SPART: variants seen among roughly 807,000 people sequenced by gnomAD.
SPART encodes spartin.
A neutral mutation model predicts 58.7 loss-of-function variants in SPART; 35 were observed. That is an observed-to-expected ratio of 0.60 (90% CI 0.46 to 0.79). SPART has a LOEUF of 0.79. Ranked by LOEUF, SPART falls within the 30% of genes least tolerant of loss-of-function variation. SPART has a pLI of 0.00. For synonymous variants in SPART, 284 were observed against 280.7 expected, an observed-to-expected ratio of 1.01 and a Z score of -0.12; for missense variants, 730 against 786.1, an observed-to-expected ratio of 0.93 and a Z score of 0.85.
At chr13:36,336,712 G>A (rs1449068640) in intron 1 of SPART, among the ~76,000 whole-genome samples, 2 of 152,266 alleles carry the variant, frequency 1.3e-5, no homozygotes, top group East Asian at 1.9e-4. Context: ...ATGGATGCAT[G>A]TGCATGCCAA....
chr13:36,318,443 CA>C (rs1881973170), intron 5 of SPART, among the ~76,000 whole-genome samples: 1 of 152,126 alleles, frequency 6.6e-6, no homozygotes, highest in Admixed American at 6.5e-5. Context: ...CCTAAAAGGT[CA>C]AAAGGCCGTC....
chr13:36,356,433 A>G (rs547969215), intron 1 of SPART, among the ~76,000 whole-genome samples: 2 of 152,218 alleles, frequency 1.3e-5, no homozygotes, highest in South Asian at 4.1e-4. Context: ...ATTCTCTCTG[A>G]AGTCTACCAC....
intron 8 of SPART, among the ~76,000 whole-genome samples, chr13:36,306,051 G>T (rs9575885): frequency 0.25 from 37,431 of 152,062 alleles, 4,977 homozygotes; most frequent in East Asian, 0.51. Flanking sequence ...TGCCCCTAAA[G>T]GATGATTCTA....
At position 36,326,673 on chromosome 13, in the gene SPART, A is replaced by G. The variant is rs1387360877; in HGVS notation, c.1190T>C (p.Val397Ala). Residue 397 changes from valine (V) to alanine (A), a missense_variant, in exon 5 of 9, where the codon GTT becomes GCT. Coordinates refer to ENST00000438666, the MANE Select transcript of SPART (RefSeq NM_015087.5). ...KRAKDTSSEE[V>A]NLSHIVPCEP... is the part of the protein sequence containing the mutation. ...ACATGGTACAATGTGACTCAGGTTA[A>G]CTTCTTCACTTGAAGTATCTTTAGC... is the stretch of plus-strand genomic sequence containing the variant. 1 of 1,613,226 alleles carries G rather than the reference A, an allele frequency of 6.2e-7. No individual in the cohort carries two copies. The highest frequency in any genetic ancestry group is 8.5e-7 in the Non-Finnish European group (1 of 1,179,824).
chr13:36,320,169 A>T (rs570842291), intron 5 of SPART, among the ~76,000 whole-genome samples: 4 of 152,102 alleles, frequency 2.6e-5, no homozygotes, highest in African/African-American at 9.7e-5. Context: ...TACAGTTCTC[A>T]TAACTTCCAA....
rs117340154 is a variant in SPART at position 36,343,559 on chromosome 13, G to T, written c.-3+2666C>A. 3.0e-4 allele frequency among the ~76,000 whole-genome samples: 46 copies of T among 152,268 alleles called. 1 individual carries two copies. The East Asian group carries it at 8.7e-3, about 29-fold the overall frequency. On this transcript the variant is annotated intron_variant, in intron 1 of 8. Transcript: ENST00000438666. ...AATGCTGTAAGTTAACCAAAAGTGT[G>T]CAAGAGGGACAGTTTTACAAAAATT...
intron 1 of SPART, among the ~76,000 whole-genome samples, chr13:36,353,582 G>A (rs554342309): frequency 2.0e-5 from 3 of 152,274 alleles, no homozygotes; most frequent in East Asian, 3.9e-4. Flanking sequence ...GGTGATTTTG[G>A]TTTGGTATAA....
chr13:36,338,920 T>G (rs530905858), intron 1 of SPART, among the ~76,000 whole-genome samples: 1 of 152,034 alleles, frequency 6.6e-6, no homozygotes, highest in East Asian at 1.9e-4. Flanking sequence ...AGTTGATAGG[T>G]TCCACCCATA....
At chr13:36,326,371 T>G in intron 5 of SPART, 1 of 597,792 alleles carries the variant, frequency 1.7e-6, no homozygotes, top group Non-Finnish European at 2.9e-6. Flanking sequence ...TAGAACAGAA[T>G]AATAGGCCAG....
At chr13:36,317,523 G>A (rs112694864) in intron 5 of SPART, among the ~76,000 whole-genome samples, 230 of 4,136 alleles carry the variant, frequency 0.056, 1 homozygote, top group East Asian at 0.44. Context: ...CCTTATTTCC[G>A]TGCCCCACCC....
At chr13:36,365,224 G>A (rs1207556144) in intron 1 of SPART, among the ~76,000 whole-genome samples, 1 of 152,136 alleles carries the variant, frequency 6.6e-6, no homozygotes, top group Non-Finnish European at 1.5e-5. Context: ...TAGCTTATAG[G>A]AGCAACAGAT....
At position 36,333,359 on chromosome 13, in the gene SPART, T is replaced by C. The variant is rs17053842; in HGVS notation, c.810+1662A>G. On this transcript the variant is annotated intron_variant, in intron 2 of 8. Transcript: ENST00000438666. ...AAACTTAATTTCCTATTTAGACCAATAGTGATTTTAACAGTGATTTTTAGC... is the reference window on the plus strand; with the variant it reads ...AAACTTAATTTCCTATTTAGACCAACAGTGATTTTAACAGTGATTTTTAGC... Among the ~76,000 whole-genome samples, 1,034 of 152,006 alleles carry C rather than the reference T, an allele frequency of 6.8e-3. 11 individuals carry two copies. The highest frequency in any genetic ancestry group is 0.024 in the African/African-American group (1,004 of 41,506).
chr13:36,311,968 T>A (rs896943946), intron 8 of SPART, among the ~76,000 whole-genome samples, 177 bp downstream of exon 8: 4 of 151,440 alleles, frequency 2.6e-5, no homozygotes, highest in African/African-American at 9.7e-5. Flanking sequence ...GTGCCTGCAA[T>A]CCCAGCTACT....
chr13:36,335,216 A>G lies in SPART; in HGVS notation c.615T>C (p.His205=). The G allele has an allele frequency of 6.2e-7, 1 of 1,614,146 alleles. No individual in the cohort carries two copies. Among genetic ancestry groups the G allele is most frequent in the Non-Finnish European group, 8.5e-7 (1 of 1,180,020 alleles). ...SSVGEEFYRN[H]SQPPPLETLG... is the part of the protein sequence containing the mutation. Reference sequence around the variant, plus strand: ...AGGTCTCAAGAGGCGGTGGCTGAGAATGATTCCTATAAAACTCCTCTCCAA... The same window carrying G: ...AGGTCTCAAGAGGCGGTGGCTGAGAGTGATTCCTATAAAACTCCTCTCCAA... Residue 205 remains histidine, a synonymous_variant, in exon 2 of 9, where the codon CAT becomes CAC. Coordinates refer to ENST00000438666, the MANE Select transcript of SPART (RefSeq NM_015087.5).
intron 1 of SPART, among the ~76,000 whole-genome samples, chr13:36,367,415 C>A (rs561502522): frequency 3.9e-5 from 6 of 152,170 alleles, no homozygotes; most frequent in South Asian, 2.1e-4. Flanking sequence ...CAAACGAATC[C>A]CCTGAGCCCT....
chr13:36,319,409 A>C (rs1882118884), intron 5 of SPART, among the ~76,000 whole-genome samples: 1 of 148,108 alleles, frequency 6.8e-6, no homozygotes. Context: ...AAACCTAATC[A>C]CCCTTACCCC....
chr13:36,323,336 C>A (rs1402129623), intron 5 of SPART, among the ~76,000 whole-genome samples: 1 of 152,110 alleles, frequency 6.6e-6, no homozygotes, highest in African/African-American at 2.4e-5. Flanking sequence ...TGTCAGCAAC[C>A]CTCTACCTCC....
intron 2 of SPART, among the ~76,000 whole-genome samples, chr13:36,333,142 A>G (rs1883620789): frequency 6.6e-6 from 1 of 151,988 alleles, no homozygotes; most frequent in Admixed American, 6.6e-5. Context: ...CTTTCCTAGG[A>G]CAGGATATTA....
chr13:36,333,081 T>C (rs991358878), intron 2 of SPART, among the ~76,000 whole-genome samples: 4 of 151,920 alleles, frequency 2.6e-5, no homozygotes, highest in Non-Finnish European at 5.9e-5. Flanking sequence ...TCACCTTAAT[T>C]GAACTGCAAT....
Sources: gnomAD v4.1 joint callset for allele counts (sites outside exome capture counted in the v4.1 genomes callset) on GRCh38, gnomAD v4.1.1 for gene constraint, MANE v1.5 for transcripts, NCBI Gene and HGNC (gene_info 2026-07-23, HGNC 2026-07-21) for gene names.